FREM1: variants seen among roughly 807,000 people sequenced by gnomAD.
FREM1 encodes FRAS1 related extracellular matrix 1.
Under a neutral mutation model 210.1 loss-of-function variants are expected in FREM1, and 220 were observed. The ratio of observed to expected loss-of-function variants is 1.05; its 90% CI spans 0.94 to 1.17. The LOEUF is 1.17. FREM1 is among the 50% of genes most tolerant of loss of function. The probability of loss-of-function intolerance (pLI) is 0.00; values close to 1 mark genes in which losing one functional copy is unlikely to be tolerated. For missense variants in FREM1, 3,454 were observed against 2,675.5 expected (o/e 1.29, Z -6.42); for synonymous variants, 1,189 against 980.2 (o/e 1.21, Z -3.98).
In FREM1 at chr9:14,819,434, G is replaced by A; in HGVS notation, c.2346C>T (p.Thr782=). 1 of 1,607,920 alleles carries A rather than the reference G, an allele frequency of 6.2e-7. No homozygotes were observed. Among genetic ancestry groups the A allele is most frequent in the Non-Finnish European group, 8.5e-7 (1 of 1,175,064 alleles). The part of the protein sequence containing the change: ...PVDNQVPEAF[T]NPLKVTEGGQ... Reference sequence around the variant, plus strand: ...CTCCCTCAGTCACTTTCAGAGGGTTGGTGAACGCCTAGAAAGAAGAAAGGA... The same window carrying A: ...CTCCCTCAGTCACTTTCAGAGGGTTAGTGAACGCCTAGAAAGAAGAAAGGA... Residue 782 remains threonine (T), a synonymous_variant, in exon 14 of 37, where the codon ACC becomes ACT. Transcript: ENST00000380880.
intron 21 of FREM1, 44 bp from the exon 22 acceptor site, chr9:14,792,928 A>T: frequency 7.4e-7 from 1 of 1,354,796 alleles, no homozygotes; most frequent in Non-Finnish European, 1.0e-6. Flanking sequence ...AATAGAAGAT[A>T]TTCCTTTAGT....
chr9:14,825,547 G>GTATATATATATATATATATA (rs372128983), intron 10 of FREM1, among the ~76,000 whole-genome samples: 3 of 75,842 alleles, frequency 4.0e-5, no homozygotes, highest in African/African-American at 5.6e-5. Context: ...GTGTGTGTGT[G>GTATATATATATATATATATA]TATATATATA....
intron 18 of FREM1, among the ~76,000 whole-genome samples, chr9:14,806,147 A>G (rs932178198): frequency 1.3e-5 from 2 of 152,162 alleles, no homozygotes; most frequent in Non-Finnish European, 2.9e-5. Flanking sequence ...GTAAATTTGC[A>G]TGCAAGGGGG....
At position 14,824,219 on chromosome 9, in the gene FREM1, T is replaced by C. The variant is rs1456168237; in HGVS notation, c.2079-104A>G. ...TGAAAGACTTCATTGTGAGAAGAAA[T>C]TGGGTGCTCTATCTTTATATTCTCT... On this transcript the variant is annotated intron_variant, in intron 11 of 36. Transcript: ENST00000380880. 13 of 690,004 alleles carry C rather than the reference T, an allele frequency of 1.9e-5. No homozygotes were observed. The East Asian group carries it at 3.3e-4, about 18-fold the overall frequency. 42.7% of individuals were successfully genotyped at this position (690,004 alleles called of 1,614,324 possible).
chr9:14,895,538 C>G (rs1357731061), intron 1 of FREM1, among the ~76,000 whole-genome samples: 1 of 152,070 alleles, frequency 6.6e-6, no homozygotes, highest in Non-Finnish European at 1.5e-5. Flanking sequence ...CTAACAACTC[C>G]ATATCTGCTT....
At chr9:14,784,829 G>A (rs1028762460) in intron 23 of FREM1, among the ~76,000 whole-genome samples, 195 bp from the exon 24 acceptor site, 2 of 152,132 alleles carry the variant, frequency 1.3e-5, no homozygotes, top group East Asian at 1.9e-4. Context: ...AGAAATTCAC[G>A]TGGCCAGTAA....
At chr9:14,869,644 T>G (rs1376911316) in intron 1 of FREM1, among the ~76,000 whole-genome samples, 1 of 152,212 alleles carries the variant, frequency 6.6e-6, no homozygotes, top group Non-Finnish European at 1.5e-5. Flanking sequence ...TTCAGAGAGC[T>G]GATAGGATTA....
At chr9:14,786,923 G>C (rs570012405) in intron 23 of FREM1, among the ~76,000 whole-genome samples, 1 of 152,294 alleles carries the variant, frequency 6.6e-6, no homozygotes, top group African/African-American at 2.4e-5. Flanking sequence ...ACCAGGAGCA[G>C]GAAATGGACC....
intron 1 of FREM1, among the ~76,000 whole-genome samples, chr9:14,884,592 A>G (rs977555388): frequency 6.6e-6 from 1 of 152,178 alleles, no homozygotes; most frequent in African/African-American, 2.4e-5. Context: ...GGTGGAGGGG[A>G]AATGTGAGCT....
At chr9:14,840,583 A>C (rs1310475156) in intron 10 of FREM1, among the ~76,000 whole-genome samples, 1 of 152,186 alleles carries the variant, frequency 6.6e-6, no homozygotes, top group African/African-American at 2.4e-5. Flanking sequence ...ACAGCACAGG[A>C]AAAACCCACC....
intron 28 of FREM1, among the ~76,000 whole-genome samples, chr9:14,758,844 A>C (rs1054215005): frequency 1.3e-5 from 2 of 152,208 alleles, no homozygotes; most frequent in African/African-American, 4.8e-5. Flanking sequence ...CAATGAAAAG[A>C]AATAGCAAGT....
At chr9:14,882,804 A>G (rs1190753292) in intron 1 of FREM1, among the ~76,000 whole-genome samples, 1 of 150,456 alleles carries the variant, frequency 6.6e-6, no homozygotes, top group Non-Finnish European at 1.5e-5. Flanking sequence ...TCTTTCAAAA[A>G]TGGGAGGCTG....
intron 10 of FREM1, among the ~76,000 whole-genome samples, chr9:14,831,217 T>G (rs1331775085): frequency 6.6e-6 from 1 of 152,188 alleles, no homozygotes; most frequent in Admixed American, 6.5e-5. Context: ...ATTCTGGGTG[T>G]TGGCAGAGAA....
intron 22 of FREM1, among the ~76,000 whole-genome samples, chr9:14,790,016 G>A (rs1400743317): frequency 6.6e-6 from 1 of 151,996 alleles, no homozygotes; most frequent in African/African-American, 2.4e-5. Context: ...TGGTTTTACT[G>A]TCTCATTTAA....
Position 14,860,892 on chromosome 9 carries a change from T to TATACGTATATATATACACATATAC in FREM1, c.330-1409_330-1408insGTATATGTGTATATATATACGTAT, listed in dbSNP as rs1164125698. Among the ~76,000 whole-genome samples, 9 of 84,714 alleles carry TATACGTATATATATACACATATAC rather than the reference T, an allele frequency of 1.1e-4. 3 individuals are homozygous for TATACGTATATATATACACATATAC. The highest frequency in any genetic ancestry group is 6.1e-4 in the African/African-American group (9 of 14,870). The allele number at this position is 84,714 out of a possible 152,430, so 55.6% of individuals were successfully genotyped here. On this transcript the variant is annotated intron_variant, in intron 3 of 36. Transcript: ENST00000380880. ...ATATATACGTATATATACACATATATACATATATACACATATACACATATA... is the reference window on the plus strand; with the variant it reads ...ATATATACGTATATATACACATATATATACGTATATATATACACATATACACATATATACACATATACACATATA...
At chr9:14,837,092 G>T (rs1003058640) in intron 10 of FREM1, among the ~76,000 whole-genome samples, 1 of 152,104 alleles carries the variant, frequency 6.6e-6, no homozygotes, top group Non-Finnish European at 1.5e-5. Context: ...CTTGCCCTTG[G>T]CCCATATGCT....
intron 8 of FREM1, 58 bp downstream of exon 8, chr9:14,845,902 T>C (rs1564062647): frequency 1.3e-6 from 2 of 1,578,810 alleles, no homozygotes; most frequent in East Asian, 4.5e-5. Flanking sequence ...TAAATATATC[T>C]ACTTTTGAAG....
chr9:14,775,489 T>A (rs1848388019), intron 25 of FREM1, among the ~76,000 whole-genome samples: 1 of 152,054 alleles, frequency 6.6e-6, no homozygotes, highest in South Asian at 2.1e-4. Context: ...GTGGATCATT[T>A]GAAGTCAGGA....
intron 1 of FREM1, among the ~76,000 whole-genome samples, chr9:14,885,149 C>A (rs1425820495): frequency 6.6e-6 from 1 of 151,806 alleles, no homozygotes; most frequent in African/African-American, 2.4e-5. Context: ...TGGTCTCGAT[C>A]TCCTGAGCTC....
Sources: allele counts gnomAD v4.1 joint callset (sites outside exome capture counted in the v4.1 genomes callset), GRCh38; gene constraint gnomAD v4.1.1; transcripts MANE v1.5; gene names NCBI Gene and HGNC (gene_info 2026-07-23, HGNC 2026-07-21).